The following CALCR variants were observed in gnomAD, a reference collection of about 807,000 sequenced individuals.
CALCR encodes the protein calcitonin receptor.
In CALCR, 47 loss-of-function variants were observed where a neutral mutation model predicts 59.5. The observed-to-expected ratio is 0.79, with a 90% CI of 0.63 to 1.01. The LOEUF (loss-of-function observed/expected upper bound fraction) is 1.01, where lower values mean the gene tolerates loss of function less well. Among genes scored for constraint, CALCR ranks in the 50% least tolerant of loss-of-function variants. The pLI is 0.00. For missense variants in CALCR, 566 were observed against 597.1 expected (o/e 0.95, Z 0.54); for synonymous variants, 213 against 211.3 (o/e 1.01, Z -0.07).
At chr7:93,515,293 A>T (rs1179037513) in intron 2 of CALCR, among the ~76,000 whole-genome samples, 1 of 152,018 alleles carries the variant, frequency 6.6e-6, no homozygotes, top group Non-Finnish European at 1.5e-5. Flanking sequence ...TGAAGCAAAC[A>T]GCATGAAGTT....
chr7:93,493,974 G>C (rs1416076607), intron 2 of CALCR, among the ~76,000 whole-genome samples: 1 of 151,400 alleles, frequency 6.6e-6, no homozygotes, highest in East Asian at 1.9e-4. Flanking sequence ...ATTTTACAAA[G>C]TACAAAGAAG....
chr7:93,566,442 C>T (rs1222521717), intron 2 of CALCR, among the ~76,000 whole-genome samples: 1 of 152,080 alleles, frequency 6.6e-6, no homozygotes, highest in Non-Finnish European at 1.5e-5. Context: ...GCTGAAATAT[C>T]CATTGAGAGA....
At chr7:93,528,812 C>T (rs1279735226) in intron 2 of CALCR, among the ~76,000 whole-genome samples, 2 of 152,086 alleles carry the variant, frequency 1.3e-5, no homozygotes, top group African/African-American at 2.4e-5. Context: ...AGATACTTGG[C>T]CTGATTAAGG....
chr7:93,472,593 A>G, intron 5 of CALCR, 106 bp from the exon 6 acceptor site: 2 of 680,664 alleles, frequency 2.9e-6, no homozygotes, highest in Admixed American at 2.4e-5. Flanking sequence ...ATCACTTTAT[A>G]GAACTTGAAT....
At chr7:93,554,804 G>A (rs1789552941) in intron 2 of CALCR, among the ~76,000 whole-genome samples, 1 of 112,992 alleles carries the variant, frequency 8.9e-6, no homozygotes, top group African/African-American at 5.5e-5. Flanking sequence ...ATACGTACAT[G>A]TCATTTTAGA....
In CALCR at chr7:93,429,931, TTTG is replaced by T. The variant is rs1238551581; in HGVS notation, c.1192-3345_1192-3343del. On this transcript the variant is annotated intron_variant, in intron 13 of 13. Transcript: ENST00000426151. Reference sequence around the variant, plus strand: ...TTTAGACGGTTTTTTTTTTTGTTTGTTTGTTTTTTTGTTTTTTTTTGAGACAGA... The same window carrying T: ...TTTAGACGGTTTTTTTTTTTGTTTGTTTTTTTTGTTTTTTTTTGAGACAGA... 4.4e-4 allele frequency among the ~76,000 whole-genome samples: 35 copies of T among 79,938 alleles called. 1 individual carries two copies. Among genetic ancestry groups the T allele is most frequent in the African/African-American group, 1.7e-3 (32 of 18,422 alleles). 52.4% of individuals were successfully genotyped at this position (79,938 alleles called of 152,430 possible).
intron 3 of CALCR, chr7:93,483,946 A>G (rs1800863595): frequency 2.0e-6 from 1 of 502,122 alleles, no homozygotes; most frequent in South Asian, 1.5e-5. Flanking sequence ...GTAGCAGTTT[A>G]GCTGCCGTAT....
At chr7:93,458,068 A>G (rs1800244411) in intron 8 of CALCR, among the ~76,000 whole-genome samples, 1 of 152,174 alleles carries the variant, frequency 6.6e-6, no homozygotes, top group Admixed American at 6.6e-5. Flanking sequence ...CTTTAAATCA[A>G]TTGACATTAA....
chr7:93,525,613 T>C (rs1401063879), intron 2 of CALCR, among the ~76,000 whole-genome samples: 1 of 152,188 alleles, frequency 6.6e-6, no homozygotes, highest in Non-Finnish European at 1.5e-5. Flanking sequence ...GTTCATATAT[T>C]TACTGAGATC....
intron 2 of CALCR, among the ~76,000 whole-genome samples, chr7:93,570,251 G>A (rs1208994173): frequency 6.6e-6 from 1 of 152,114 alleles, no homozygotes. Context: ...AGAAATTAAA[G>A]ATTAGAAAAC....
At chr7:93,504,477 C>A (rs371045211) in intron 2 of CALCR, among the ~76,000 whole-genome samples, 1 of 152,110 alleles carries the variant, frequency 6.6e-6, no homozygotes, top group African/African-American at 2.4e-5. Flanking sequence ...GTATTATTTC[C>A]TCTGCTCAAC....
intron 2 of CALCR, among the ~76,000 whole-genome samples, chr7:93,555,467 C>G (rs1409014889): frequency 2.0e-5 from 3 of 152,088 alleles, no homozygotes; most frequent in Non-Finnish European, 4.4e-5. Flanking sequence ...CTAGGGTTAG[C>G]AGTCCAAATA....
At chr7:93,461,425 C>A (rs539096457) in intron 7 of CALCR, among the ~76,000 whole-genome samples, 1 of 152,284 alleles carries the variant, frequency 6.6e-6, no homozygotes, top group African/African-American at 2.4e-5. Flanking sequence ...CCATTGCATA[C>A]ACACACTTCA....
At chr7:93,531,008 G>A (rs1381065676) in intron 2 of CALCR, among the ~76,000 whole-genome samples, 1 of 152,094 alleles carries the variant, frequency 6.6e-6, no homozygotes, top group African/African-American at 2.4e-5. Flanking sequence ...TGATTCCCAT[G>A]TAAACAAAAA....
intron 9 of CALCR, among the ~76,000 whole-genome samples, chr7:93,442,763 T>C (rs1007585827): frequency 7.9e-5 from 12 of 152,272 alleles, no homozygotes; most frequent in Middle Eastern, 3.4e-3. Context: ...AGAGAAGCCC[T>C]TGGCTCTATA....
chr7:93,539,174 A>G (rs764673242), intron 2 of CALCR, among the ~76,000 whole-genome samples: 1 of 152,146 alleles, frequency 6.6e-6, no homozygotes, highest in Non-Finnish European at 1.5e-5. Flanking sequence ...TCCCTGGGGT[A>G]AGGATTTATG....
chr7:93,488,767 G>T (rs1025520583), intron 2 of CALCR, among the ~76,000 whole-genome samples: 11 of 151,486 alleles, frequency 7.3e-5, no homozygotes, highest in Non-Finnish European at 1.6e-4. Flanking sequence ...CATAAAATAA[G>T]TTCTTAGAGA....
At chr7:93,480,082 A>C (rs1800761152) in intron 3 of CALCR, among the ~76,000 whole-genome samples, 1 of 151,910 alleles carries the variant, frequency 6.6e-6, no homozygotes, top group Non-Finnish European at 1.5e-5. Context: ...ACAGCAGATG[A>C]CCTGTACAGG....
intron 8 of CALCR, among the ~76,000 whole-genome samples, chr7:93,446,342 A>T (rs1243202926): frequency 6.6e-6 from 1 of 152,078 alleles, no homozygotes; most frequent in Admixed American, 6.6e-5. Context: ...TTTAGCACTT[A>T]GATCGGTGTT....
Sources: gnomAD v4.1 joint callset for allele counts (sites outside exome capture counted in the v4.1 genomes callset) on GRCh38, gnomAD v4.1.1 for gene constraint, MANE v1.5 for transcripts, NCBI Gene and HGNC (gene_info 2026-07-23, HGNC 2026-07-21) for gene names.